GPC5: variants seen among roughly 807,000 people sequenced by gnomAD.
GPC5 encodes the protein glypican-5.
A neutral mutation model predicts 53.9 loss-of-function variants in GPC5; 47 were observed. The ratio of observed to expected loss-of-function variants is 0.87; its 90% CI spans 0.69 to 1.11. The LOEUF is 1.11. Ranked by LOEUF, GPC5 falls within the 50% of genes most tolerant of loss-of-function variation. GPC5 has a pLI of 0.00. For missense variants in GPC5, 748 were observed against 713.1 expected (o/e 1.05, Z -0.56); for synonymous variants, 286 against 263.3 (o/e 1.09, Z -0.84).
At chr13:92,308,851 G>T (rs1566531469) in intron 7 of GPC5, among the ~76,000 whole-genome samples, 1 of 151,990 alleles carries the variant, frequency 6.6e-6, no homozygotes, top group Non-Finnish European at 1.5e-5. Flanking sequence ...AGCAAGTTAT[G>T]GTTCAATTGA....
At chr13:91,411,140 G>C (rs549907386) in intron 1 of GPC5, among the ~76,000 whole-genome samples, 2 of 152,214 alleles carry the variant, frequency 1.3e-5, no homozygotes, top group African/African-American at 2.4e-5. Context: ...AAAAACACTG[G>C]ACTTTTGCAA....
chr13:91,456,736 A>T (rs1881585560), intron 2 of GPC5, among the ~76,000 whole-genome samples: 1 of 151,952 alleles, frequency 6.6e-6, no homozygotes, highest in Non-Finnish European at 1.5e-5. Flanking sequence ...ATTGATAATG[A>T]TATATAAAAC....
In GPC5 at chr13:91,867,686, C is replaced by T. The variant is rs939369246; in HGVS notation, c.1281-40251C>T. Among the ~76,000 whole-genome samples, 8 of 152,094 alleles carry T rather than the reference C, an allele frequency of 5.3e-5. No individual in the cohort carries two copies. In the East Asian group the frequency reaches 5.8e-4, roughly 11 times the overall value. ...TGTTTCTTAGAATTAAGCCAGAGTG[C>T]TTTGTTATTGATTTAATAATGTAAA... On this transcript the variant is annotated intron_variant, in intron 5 of 7. Coordinates refer to ENST00000377067, the MANE Select transcript of GPC5 (RefSeq NM_004466.6).
intron 7 of GPC5, among the ~76,000 whole-genome samples, chr13:92,736,411 A>T (rs1161038026): frequency 6.6e-6 from 1 of 151,774 alleles, no homozygotes; most frequent in Non-Finnish European, 1.5e-5. Context: ...TTAACCCCCC[A>T]CCCACCTTCT....
intron 6 of GPC5, among the ~76,000 whole-genome samples, chr13:91,975,168 T>C (rs1012907511): frequency 1.3e-5 from 2 of 152,074 alleles, no homozygotes; most frequent in Non-Finnish European, 2.9e-5. Context: ...ATAAAAACCC[T>C]AGAAGAAAAC....
intron 5 of GPC5, among the ~76,000 whole-genome samples, chr13:91,873,755 C>T (rs777786132): frequency 7.2e-5 from 11 of 152,182 alleles, no homozygotes; most frequent in Non-Finnish European, 1.6e-4. Context: ...CCATTCTCAG[C>T]TCACTGCAAC....
chr13:92,533,101 A>T (rs1881617454), intron 7 of GPC5, among the ~76,000 whole-genome samples: 1 of 152,152 alleles, frequency 6.6e-6, no homozygotes, highest in African/African-American at 2.4e-5. Flanking sequence ...TTTCTTCTTG[A>T]TATTTATTAT....
At chr13:92,668,283 A>G (rs1415487410) in intron 7 of GPC5, among the ~76,000 whole-genome samples, 2 of 152,142 alleles carry the variant, frequency 1.3e-5, no homozygotes, top group Non-Finnish European at 2.9e-5. Flanking sequence ...TAAGGCAGTG[A>G]AAACATATTT....
intron 5 of GPC5, among the ~76,000 whole-genome samples, chr13:91,822,392 A>G (rs2038509897): frequency 1.3e-5 from 2 of 152,250 alleles, no homozygotes; most frequent in African/African-American, 2.4e-5. Flanking sequence ...TATAGAAAAG[A>G]GACGCAAGAT....
chr13:92,360,926 T>C lies in GPC5; in HGVS notation c.1561+215937T>C, dbSNP rs986548751. Among the ~76,000 whole-genome samples the C allele has an allele frequency of 1.8e-4, 28 of 151,770 alleles. 2 individuals carry two copies. The highest frequency in any genetic ancestry group is 5.8e-4 in the African/African-American group (24 of 41,040). On this transcript the variant is annotated intron_variant, in intron 7 of 7. Coordinates refer to ENST00000377067, the MANE Select transcript of GPC5 (RefSeq NM_004466.6). ...CAAAGGTCTCAAATGTAAATGCCTA[T>C]GGGGCAACCTAGTCACGTAAGAGAG...
In GPC5 at chr13:92,866,509, A is replaced by G; in HGVS notation, c.*70A>G. 3 of 1,195,768 alleles carry G rather than the reference A, an allele frequency of 2.5e-6. No homozygotes were observed. The highest frequency in any genetic ancestry group is 2.3e-6 in the Non-Finnish European group (2 of 886,010). The allele number at this position is 1,195,768 out of a possible 1,614,324, so 74.1% of individuals were successfully genotyped here. On this transcript the variant is annotated 3_prime_UTR_variant, in exon 8 of 8. Coordinates refer to ENST00000377067, the MANE Select transcript of GPC5 (RefSeq NM_004466.6). Reference sequence around the variant, plus strand: ...TTCTCTCTCTGCATATGCCTGGAATAAGAGATCCTTTTTCAATGTAACAAT... The same window carrying G: ...TTCTCTCTCTGCATATGCCTGGAATGAGAGATCCTTTTTCAATGTAACAAT...
rs1239720184 is a variant in GPC5, at chr13:92,422,522, A to C, written c.1561+277533A>C. 1.8e-3 allele frequency among the ~76,000 whole-genome samples: 210 copies of C among 117,652 alleles called. 1 individual carries two copies. Among genetic ancestry groups the C allele is most frequent in the African/African-American group, 6.0e-3 (203 of 33,872 alleles). The allele number at this position is 117,652 out of a possible 152,430, so 77.2% of individuals were successfully genotyped here. A position where few individuals can be genotyped will look rare whatever the true frequency, so the allele number is the denominator to read the frequency against. Reference sequence around the variant, plus strand: ...CACACACACACACACACACACACACACACACACACAACTTCTTGGAAAGAA... The same window carrying C: ...CACACACACACACACACACACACACCCACACACACAACTTCTTGGAAAGAA... On this transcript the variant is annotated intron_variant, in intron 7 of 7. Coordinates refer to ENST00000377067, the MANE Select transcript of GPC5 (RefSeq NM_004466.6).
chr13:92,226,615 T>TTTTTTTTC (rs1240489795), intron 7 of GPC5, among the ~76,000 whole-genome samples: 1 of 151,736 alleles, frequency 6.6e-6, no homozygotes, highest in Non-Finnish European at 1.5e-5. Context: ...AGCAGAACTT[T>TTTTTTTTC]TTTTTTTCTT....
chr13:91,469,395 C>T (rs771396525), intron 2 of GPC5, among the ~76,000 whole-genome samples: 3 of 151,996 alleles, frequency 2.0e-5, no homozygotes, highest in African/African-American at 4.8e-5. Flanking sequence ...AGGCGTGAGT[C>T]GCTGCACCTG....
intron 5 of GPC5, among the ~76,000 whole-genome samples, chr13:91,831,148 C>T (rs2038653254): frequency 6.8e-6 from 1 of 146,810 alleles, no homozygotes; most frequent in African/African-American, 2.5e-5. Context: ...TATTAACTTA[C>T]ACAATCATAA....
At chr13:91,540,972 G>T (rs569050110) in intron 2 of GPC5, among the ~76,000 whole-genome samples, 1 of 152,020 alleles carries the variant, frequency 6.6e-6, no homozygotes, top group East Asian at 1.9e-4. Context: ...TGCATTTTTG[G>T]TGAACGATGA....
chr13:91,927,386 TTTA>T (rs2039779307), intron 6 of GPC5, among the ~76,000 whole-genome samples: 1 of 152,188 alleles, frequency 6.6e-6, no homozygotes, highest in East Asian at 1.9e-4. Context: ...TTAAATACTA[TTTA>T]TTATCAATAG....
intron 7 of GPC5, among the ~76,000 whole-genome samples, chr13:92,394,132 G>A (rs554493791): frequency 6.6e-6 from 1 of 152,184 alleles, no homozygotes; most frequent in East Asian, 1.9e-4. Flanking sequence ...ACAGGGGAAT[G>A]ACATGAAGGA....
chr13:92,623,602 C>A (rs974037769), intron 7 of GPC5, among the ~76,000 whole-genome samples: 3 of 152,054 alleles, frequency 2.0e-5, no homozygotes, highest in African/African-American at 7.2e-5. Flanking sequence ...CTGCAAGTTA[C>A]GTTAGTGGAT....
Sources: allele counts gnomAD v4.1 joint callset (sites outside exome capture counted in the v4.1 genomes callset), GRCh38; gene constraint gnomAD v4.1.1; transcripts MANE v1.5; gene names NCBI Gene and HGNC (gene_info 2026-07-23, HGNC 2026-07-21).